RIMS2: variants seen among roughly 807,000 people sequenced by gnomAD.
RIMS2 encodes regulating synaptic membrane exocytosis 2.
RIMS2 carries 59 observed loss-of-function variants against 174.4 expected under a neutral mutation model. The observed-to-expected ratio is 0.34, with a 90% CI of 0.27 to 0.42. The LOEUF (loss-of-function observed/expected upper bound fraction) is 0.42. RIMS2 is among the 10% of genes least tolerant of loss of function. RIMS2 has a pLI of 1.00. For synonymous variants in RIMS2, 606 were observed against 572.5 expected, an observed-to-expected ratio of 1.06 and a Z score of -0.84; for missense variants, 1,620 against 1,666.3, an observed-to-expected ratio of 0.97 and a Z score of 0.48.
chr8:103,755,063 G>T (rs1299382951), intron 2 of RIMS2, among the ~76,000 whole-genome samples: 2 of 152,130 alleles, frequency 1.3e-5, no homozygotes, highest in African/African-American at 4.8e-5. Flanking sequence ...GCAGTGGCTG[G>T]TACCGGTTGT....
intron 1 of RIMS2, among the ~76,000 whole-genome samples, chr8:103,503,335 A>G (rs1391225942): frequency 6.6e-6 from 1 of 151,942 alleles, no homozygotes; most frequent in Non-Finnish European, 1.5e-5. Flanking sequence ...AATGAAATGA[A>G]TAGACTTTAT....
At chr8:103,622,043 TATC>T (rs919235062) in intron 1 of RIMS2, among the ~76,000 whole-genome samples, 1 of 152,174 alleles carries the variant, frequency 6.6e-6, no homozygotes, top group Non-Finnish European at 1.5e-5. Flanking sequence ...TTTTTAAAAT[TATC>T]ATTAATTTCT....
chr8:103,766,209 CTA>C lies in RIMS2; in HGVS notation c.388-16_388-15del, dbSNP rs1564557653. ...TTTTGGGAACACTAATTTTTTCCCC[CTA>C]TGTCTTCATGTGCAGGTTATGTGGG... On this transcript the variant is annotated splice_polypyrimidine_tract_variant and intron_variant, in intron 2 of 23. Coordinates refer to ENST00000504942, the Ensembl canonical transcript of RIMS2. 7.0e-6 allele frequency: 11 copies of C among 1,564,222 alleles called. No individual in the cohort carries two copies. The highest frequency in any genetic ancestry group is 3.5e-5 in the South Asian group (3 of 84,620).
chr8:103,790,847 G>A (rs1161164668), intron 3 of RIMS2, among the ~76,000 whole-genome samples: 1 of 152,054 alleles, frequency 6.6e-6, no homozygotes, highest in African/African-American at 2.4e-5. Context: ...GTAAAAAATG[G>A]ATCTATCCAA....
downstream of RIMS2, chr8:104,252,723 TA>T (rs1370669068): frequency 6.6e-6 from 1 of 152,212 alleles, no homozygotes; most frequent in Non-Finnish European, 1.5e-5. Flanking sequence ...AGAAGATACT[TA>T]AAATTCTCTT....
At chr8:104,010,469 T>C (rs1359487622) in intron 17 of RIMS2, among the ~76,000 whole-genome samples, 1 of 152,150 alleles carries the variant, frequency 6.6e-6, no homozygotes, top group East Asian at 1.9e-4. Flanking sequence ...CATATGCTAA[T>C]AATGTGCTTT....
intron 14 of RIMS2, among the ~76,000 whole-genome samples, chr8:103,947,153 A>G (rs2083993667): frequency 6.6e-6 from 1 of 152,238 alleles, no homozygotes; most frequent in African/African-American, 2.4e-5. Context: ...AAAGTCTTCA[A>G]AGAAAACATA....
At chr8:103,790,002 T>A (rs1389684253) in intron 3 of RIMS2, among the ~76,000 whole-genome samples, 1 of 152,196 alleles carries the variant, frequency 6.6e-6, no homozygotes, top group Non-Finnish European at 1.5e-5. Context: ...GCTCAAGTGA[T>A]CCTCCTGCCT....
chr8:103,693,278 A>G (rs1353664043), intron 1 of RIMS2, among the ~76,000 whole-genome samples: 1 of 152,186 alleles, frequency 6.6e-6, no homozygotes, highest in Non-Finnish European at 1.5e-5. Flanking sequence ...GATAGCATCG[A>G]GAATTTAAGA....
intron 2 of RIMS2, among the ~76,000 whole-genome samples, chr8:103,754,209 G>A (rs534515500): frequency 6.6e-6 from 1 of 152,152 alleles, no homozygotes. Flanking sequence ...TCAGGAGCAG[G>A]TTGTTCAGTT....
chr8:103,548,280 C>A (rs73285183), intron 1 of RIMS2, among the ~76,000 whole-genome samples: 1 of 152,156 alleles, frequency 6.6e-6, no homozygotes, highest in Admixed American at 6.5e-5. Flanking sequence ...TACTAGCAGA[C>A]TGAATCTGAC....
chr8:103,678,826 G>A (rs1164307813), intron 1 of RIMS2, among the ~76,000 whole-genome samples: 1 of 152,012 alleles, frequency 6.6e-6, no homozygotes, highest in Admixed American at 6.6e-5. Flanking sequence ...TCTGGGGGTG[G>A]ATCACAAGTT....
At chr8:103,657,042 C>T (rs2096540115) in intron 1 of RIMS2, among the ~76,000 whole-genome samples, 1 of 152,142 alleles carries the variant, frequency 6.6e-6, no homozygotes, top group South Asian at 2.1e-4. Flanking sequence ...CCAGAACTTT[C>T]TGTTCCCCAC....
At chr8:104,026,831 A>G (rs1453813745) in intron 19 of RIMS2, among the ~76,000 whole-genome samples, 2 of 152,252 alleles carry the variant, frequency 1.3e-5, no homozygotes, top group East Asian at 1.9e-4. Flanking sequence ...GCCTCTTTCT[A>G]TTCTCATGAA....
intron 19 of RIMS2, among the ~76,000 whole-genome samples, chr8:104,111,897 G>T (rs1194988243): frequency 2.0e-5 from 3 of 152,132 alleles, no homozygotes; most frequent in East Asian, 3.9e-4. Flanking sequence ...ATGCTTAGAA[G>T]ACTCTCTCCC....
chr8:103,967,032 C>T (rs2092013717), intron 15 of RIMS2, among the ~76,000 whole-genome samples: 1 of 151,464 alleles, frequency 6.6e-6, no homozygotes, highest in Admixed American at 6.6e-5. Context: ...TGAATGGTTC[C>T]AGGTGAACTT....
chr8:104,250,345 T>C (rs61608951), intron 22 of RIMS2, among the ~76,000 whole-genome samples: 1,918 of 152,292 alleles, frequency 0.013, 77 homozygotes, highest in East Asian at 0.12. Context: ...CTCTGAACTT[T>C]TCTATCCTTG....
chr8:103,580,986 C>T (rs1044968604), intron 1 of RIMS2, among the ~76,000 whole-genome samples: 7 of 151,992 alleles, frequency 4.6e-5, no homozygotes, highest in South Asian at 2.1e-4. Flanking sequence ...CCCGCCACCA[C>T]GTCCAGCTAA....
chr8:104,159,000 G>A (rs562236140), intron 19 of RIMS2, among the ~76,000 whole-genome samples: 30 of 152,226 alleles, frequency 2.0e-4, no homozygotes, highest in South Asian at 8.3e-4. Context: ...TATTGCCTAG[G>A]TTTTCTTCTA....
Sources: gnomAD v4.1 joint callset for allele counts (sites outside exome capture counted in the v4.1 genomes callset) on GRCh38, gnomAD v4.1.1 for gene constraint, MANE v1.5 for transcripts, NCBI Gene and HGNC (gene_info 2026-07-23, HGNC 2026-07-21) for gene names.